The following WDTC1 variants were observed in gnomAD, a reference collection of about 807,000 sequenced individuals.
The protein encoded by WDTC1 is WD and tetratricopeptide repeats protein 1.
In WDTC1, 12 loss-of-function variants were observed where a neutral mutation model predicts 76.0. The ratio of observed to expected loss-of-function variants is 0.16; its 90% CI spans 0.10 to 0.26. WDTC1 has a LOEUF of 0.26. WDTC1 is among the 10% of genes least tolerant of loss of function. WDTC1 has a pLI of 1.00. For synonymous variants in WDTC1, 326 were observed against 350.8 expected (o/e 0.93, Z 0.79); for missense variants, 511 against 908.8 (o/e 0.56, Z 5.63).
At chr1:27,289,004 C>CGGACGGGGCGGCTGGCT (rs2013434840) in intron 6 of WDTC1, among the ~76,000 whole-genome samples, 1 of 139,174 alleles carries the variant, frequency 7.2e-6, no homozygotes, top group South Asian at 2.4e-4. Context: ...ACCTCCCTCC[C>CGGACGGGGCGGCTGGCT]GGACGGGGCG....
At position 27,301,607 on chromosome 1, in the gene WDTC1, G is replaced by A. The variant is rs946768948; in HGVS notation, c.1468+146G>A. ...CATGCAACTTTGGGGCAGTTACTTG[G>A]TGTCTCTCTCAGAGTGTTTCCTGGT... On this transcript the variant is annotated intron_variant, in intron 13 of 15. Coordinates refer to ENST00000319394, the MANE Select transcript of WDTC1 (RefSeq NM_001276252.2). This position sits in a 1 kb window ranked among gnomAD's most constrained non-coding sequence, Gnocchi z 5.8. The A allele has an allele frequency of 3.3e-6, 3 of 913,836 alleles. No homozygotes were observed. Among genetic ancestry groups the A allele is most frequent in the Admixed American group, 2.3e-5 (1 of 42,818 alleles). 56.6% of individuals were successfully genotyped at this position (913,836 alleles called of 1,614,324 possible). A position where few individuals can be genotyped will look rare whatever the true frequency, so the allele number is the denominator to read the frequency against.
chr1:27,290,330 C>T (rs2013502840), intron 6 of WDTC1, among the ~76,000 whole-genome samples: 1 of 152,158 alleles, frequency 6.6e-6, no homozygotes, highest in African/African-American at 2.4e-5. Flanking sequence ...GTGATCCTCC[C>T]ACCTCGGCCT....
intron 3 of WDTC1, among the ~76,000 whole-genome samples, chr1:27,265,587 C>G (rs1385428192): frequency 2.0e-5 from 3 of 151,744 alleles, no homozygotes; most frequent in Non-Finnish European, 4.4e-5. Context: ...GGAGGTTAAG[C>G]CTGCAGTGAG....
chr1:27,249,652 C>A (rs1018790140), intron 1 of WDTC1, among the ~76,000 whole-genome samples: 2 of 152,118 alleles, frequency 1.3e-5, no homozygotes, highest in South Asian at 2.1e-4. Flanking sequence ...GATCATAGCT[C>A]ACTGTAACTT....
intron 1 of WDTC1, among the ~76,000 whole-genome samples, chr1:27,236,695 G>A (rs1245085317): frequency 1.3e-5 from 2 of 152,130 alleles, no homozygotes; most frequent in African/African-American, 4.8e-5. Context: ...TGCACACCTA[G>A]ACTTTAGGAT....
At chr1:27,269,589 AT>A (rs1208136334) in intron 3 of WDTC1, among the ~76,000 whole-genome samples, 124 of 118,000 alleles carry the variant, frequency 1.1e-3, no homozygotes, top group African/African-American at 3.4e-3. Flanking sequence ...ACATGATCAG[AT>A]TTTTTTTTGT....
chr1:27,282,171 C>T, intron 3 of WDTC1, 68 bp from the exon 4 acceptor site: 1 of 1,483,656 alleles, frequency 6.7e-7, no homozygotes, highest in East Asian at 2.3e-5. Flanking sequence ...AGTTCCACTT[C>T]TTGGTGTTGA....
rs866728594 is a variant in WDTC1, at chr1:27,275,555, T to C, written c.133-6684T>C. Among the ~76,000 whole-genome samples the C allele has an allele frequency of 2.0e-5, 3 of 151,116 alleles. No individual in the cohort carries two copies. In the South Asian group the frequency reaches 6.3e-4, roughly 32 times the overall value. On this transcript the variant is annotated intron_variant, in intron 3 of 15. Transcript: ENST00000319394. ...ATTGCTTGAACCCAGGAGGCGGAGG[T>C]TGCAGTGAGCCGAGATTGCACCACT... is the stretch of plus-strand genomic sequence containing the variant.
chr1:27,298,180 G>T, intron 12 of WDTC1, 69 bp downstream of exon 12: 1 of 1,478,136 alleles, frequency 6.8e-7, no homozygotes, highest in South Asian at 1.4e-5. Flanking sequence ...AAAGGCAGGG[G>T]CCTGATGGAG....
At chr1:27,283,006 C>G (rs950277526) in intron 4 of WDTC1, among the ~76,000 whole-genome samples, 1 of 151,440 alleles carries the variant, frequency 6.6e-6, no homozygotes, top group Non-Finnish European at 1.5e-5. Flanking sequence ...GGTGTGGTGG[C>G]GGGCGCCTGT....
At chr1:27,259,711 C>G (rs1320931374) in intron 1 of WDTC1, among the ~76,000 whole-genome samples, 1 of 151,976 alleles carries the variant, frequency 6.6e-6, no homozygotes, top group African/African-American at 2.4e-5. Flanking sequence ...AACACAGGAA[C>G]AGGTTGCTTC....
At position 27,289,609 on chromosome 1, in the gene WDTC1, G is replaced by A. The variant is rs565696848; in HGVS notation, c.479+1748G>A. On this transcript the variant is annotated intron_variant, in intron 6 of 15. Transcript: ENST00000319394. The stretch of plus-strand genomic sequence containing the variant: ...GCGGCCAGGCAGAGGCTGCAATCTC[G>A]GCACTTTGGGAGGCCAAGGCAGGCG... 4.4e-3 allele frequency among the ~76,000 whole-genome samples: 668 copies of A among 151,956 alleles called. 6 individuals are homozygous for A. The highest frequency in any genetic ancestry group is 0.016 in the African/African-American group (643 of 41,432).
intron 1 of WDTC1, among the ~76,000 whole-genome samples, chr1:27,259,323 CTTTTTTTTTTT>C (rs57081638): frequency 3.8e-5 from 4 of 106,336 alleles, no homozygotes; most frequent in Non-Finnish European, 5.7e-5. Flanking sequence ...CCATGCCCAA[CTTTTTTTTTTT>C]TTTTTTTTTT....
intron 1 of WDTC1, among the ~76,000 whole-genome samples, chr1:27,253,486 TTTCTTCTTTC>T (rs1419953641): frequency 7.3e-6 from 1 of 136,774 alleles, no homozygotes; most frequent in Non-Finnish European, 1.5e-5. Context: ...TTCTTCTCTC[TTTCTTCTTTC>T]TTCTTCTTTC....
chr1:27,247,207 C>CCA (rs1411718670), intron 1 of WDTC1, among the ~76,000 whole-genome samples: 1 of 151,796 alleles, frequency 6.6e-6, no homozygotes, highest in East Asian at 1.9e-4. Context: ...CAGGTGCCTG[C>CCA]CACCACGCCT....
chr1:27,280,300 T>G (rs1237073349), intron 3 of WDTC1, among the ~76,000 whole-genome samples: 5 of 152,286 alleles, frequency 3.3e-5, no homozygotes, highest in African/African-American at 1.2e-4. Flanking sequence ...AAGAAAAGAT[T>G]TTATGGAAAT....
intron 3 of WDTC1, among the ~76,000 whole-genome samples, chr1:27,280,560 A>G (rs2013158875): frequency 6.6e-6 from 1 of 152,244 alleles, no homozygotes; most frequent in African/African-American, 2.4e-5. Flanking sequence ...CTGGATTTTA[A>G]TCTAAATCTT....
At chr1:27,300,384 C>T (rs1433626599) in intron 12 of WDTC1, among the ~76,000 whole-genome samples, 2 of 152,102 alleles carry the variant, frequency 1.3e-5, no homozygotes, top group South Asian at 4.1e-4. Flanking sequence ...TCTGGCTCTC[C>T]AGACAAGAGG....
At chr1:27,286,245 C>T (rs1003980061) in intron 5 of WDTC1, among the ~76,000 whole-genome samples, 4 of 151,414 alleles carry the variant, frequency 2.6e-5, no homozygotes, top group African/African-American at 7.3e-5. Context: ...TCAGGTAATC[C>T]GCCTACCTCG....
Sources: allele counts gnomAD v4.1 joint callset (sites outside exome capture counted in the v4.1 genomes callset), GRCh38; gene constraint gnomAD v4.1.1; non-coding constraint Gnocchi (gnomAD v3.1); transcripts MANE v1.5; gene names NCBI Gene and HGNC (gene_info 2026-07-23, HGNC 2026-07-21).